Variants in HCN1 observed in about 807,000 individuals in gnomAD.
HCN1 encodes potassium/sodium hyperpolarization-activated cyclic nucleotide-gated channel 1.
In HCN1, 13 loss-of-function variants were observed where a neutral mutation model predicts 78.9. That is an observed-to-expected ratio of 0.16 (90% CI 0.11 to 0.26). HCN1 has a LOEUF of 0.26. HCN1 is among the 10% of genes least tolerant of loss of function. HCN1 has a pLI of 1.00. For synonymous variants in HCN1, 552 were observed against 455.5 expected (o/e 1.21, Z -2.70); for missense variants, 810 against 1,154.3 (o/e 0.70, Z 4.32).
chr5:45,457,212 T>G (rs376799067), intron 3 of HCN1, among the ~76,000 whole-genome samples: 1 of 152,106 alleles, frequency 6.6e-6, no homozygotes, highest in African/African-American at 2.4e-5. Context: ...ACATCCGATA[T>G]TTGAGATTCA....
chr5:45,341,864 C>T (rs1258434861), intron 5 of HCN1, among the ~76,000 whole-genome samples: 2 of 152,210 alleles, frequency 1.3e-5, no homozygotes, highest in Non-Finnish European at 1.5e-5. Context: ...CACTACAACA[C>T]TCCCACTCAC....
chr5:45,315,857 A>C (rs1561102449), intron 5 of HCN1, among the ~76,000 whole-genome samples: 1 of 152,196 alleles, frequency 6.6e-6, no homozygotes, highest in African/African-American at 2.4e-5. Flanking sequence ...TCCCAAGAAT[A>C]AACCAGGAGG....
intron 5 of HCN1, among the ~76,000 whole-genome samples, chr5:45,317,691 C>A (rs1287655954): frequency 1.3e-5 from 2 of 152,112 alleles, no homozygotes; most frequent in East Asian, 3.9e-4. Context: ...TATCCAGAAT[C>A]TACAAAGAGC....
intron 2 of HCN1, among the ~76,000 whole-genome samples, chr5:45,565,822 T>C (rs559664023): frequency 2.0e-5 from 3 of 151,936 alleles, no homozygotes; most frequent in Admixed American, 6.6e-5. Context: ...ACAACAACAA[T>C]AATAATAATA....
intron 2 of HCN1, among the ~76,000 whole-genome samples, chr5:45,578,016 T>G (rs1212927845): frequency 6.6e-6 from 1 of 152,060 alleles, no homozygotes; most frequent in African/African-American, 2.4e-5. Flanking sequence ...TGATGAGACT[T>G]ACAAACCTAG....
chr5:45,613,057 GGTTA>G (rs1415567823), intron 2 of HCN1, among the ~76,000 whole-genome samples: 6 of 151,742 alleles, frequency 4.0e-5, no homozygotes, highest in Non-Finnish European at 7.4e-5. Flanking sequence ...ACATTGTGCA[GGTTA>G]GTTACATATG....
intron 2 of HCN1, 27 bp from the exon 3 acceptor site, chr5:45,462,034 C>T: frequency 6.3e-7 from 1 of 1,594,018 alleles, no homozygotes; most frequent in Non-Finnish European, 8.6e-7. Flanking sequence ...AAAATCAATT[C>T]TTATAATCAA....
intron 6 of HCN1, among the ~76,000 whole-genome samples, chr5:45,290,340 C>A (rs190464599): frequency 3.9e-5 from 6 of 152,032 alleles, no homozygotes; most frequent in Admixed American, 6.6e-5. Context: ...CAGGGTTCCA[C>A]CCTCATGACC....
intron 3 of HCN1, 134 bp from the exon 4 acceptor site, chr5:45,396,844 G>A (rs984447965): frequency 1.4e-6 from 1 of 731,138 alleles, no homozygotes; most frequent in Non-Finnish European, 2.5e-6. Flanking sequence ...ATTTACAAAT[G>A]TACTTCTCAC....
At chr5:45,691,679 A>G (rs1739915659) in intron 1 of HCN1, among the ~76,000 whole-genome samples, 1 of 152,196 alleles carries the variant, frequency 6.6e-6, no homozygotes, top group African/African-American at 2.4e-5. Flanking sequence ...AAGATAACAT[A>G]ACAGTAGGCT....
At position 45,527,337 on chromosome 5, in the gene HCN1, T is replaced by C; in HGVS notation, c.850-65330A>G. ...GTGACATGGCCAGTAATGGTGGAGA[T>C]AGGATCTAAACAGAAGCTTATACCA... On this transcript the variant is annotated intron_variant, in intron 2 of 7. Transcript: ENST00000303230. Among the ~76,000 whole-genome samples the C allele has an allele frequency of 1.8e-5, 2 of 108,308 alleles. 1 individual carries two copies. Among genetic ancestry groups the C allele is most frequent in the Non-Finnish European group, 3.9e-5 (2 of 51,144 alleles). 71.1% of individuals were successfully genotyped at this position (108,308 alleles called of 152,430 possible).
intron 2 of HCN1, among the ~76,000 whole-genome samples, chr5:45,503,048 A>C (rs376086435): frequency 4.6e-5 from 7 of 152,362 alleles, no homozygotes; most frequent in South Asian, 2.1e-4. Flanking sequence ...TCATGCATTT[A>C]TCTCTCCTTT....
intron 1 of HCN1, among the ~76,000 whole-genome samples, chr5:45,674,308 AG>A (rs1332260443): frequency 6.6e-6 from 1 of 151,554 alleles, no homozygotes; most frequent in Non-Finnish European, 1.5e-5. Context: ...CTATATTTTA[AG>A]TGCCACAGAA....
chr5:45,368,416 A>G (rs1747278843), intron 4 of HCN1, among the ~76,000 whole-genome samples: 1 of 152,048 alleles, frequency 6.6e-6, no homozygotes. Context: ...TGAGTTATAT[A>G]CATTTAAATA....
intron 2 of HCN1, among the ~76,000 whole-genome samples, chr5:45,539,478 C>T (rs987814000): frequency 1.0e-4 from 15 of 150,688 alleles, no homozygotes; most frequent in Admixed American, 4.6e-4. Context: ...TTGGCTAACA[C>T]GGTGAAACCC....
At chr5:45,450,458 T>A (rs1290990824) in intron 3 of HCN1, among the ~76,000 whole-genome samples, 3 of 152,232 alleles carry the variant, frequency 2.0e-5, no homozygotes, top group Non-Finnish European at 4.4e-5. Flanking sequence ...TCTTTCCTAA[T>A]TCATAATTTA....
chr5:45,455,386 T>G (rs1741009570), intron 3 of HCN1, among the ~76,000 whole-genome samples: 1 of 152,168 alleles, frequency 6.6e-6, no homozygotes, highest in African/African-American at 2.4e-5. Flanking sequence ...TTGTCAAGTT[T>G]TATATAGTTT....
chr5:45,431,864 A>AC (rs1478469055), intron 3 of HCN1, among the ~76,000 whole-genome samples: 2 of 152,086 alleles, frequency 1.3e-5, no homozygotes, highest in Non-Finnish European at 2.9e-5. Context: ...AGGTCGGATA[A>AC]CATGATGCCT....
At chr5:45,554,360 C>A (rs977685662) in intron 2 of HCN1, among the ~76,000 whole-genome samples, 16 of 151,512 alleles carry the variant, frequency 1.1e-4, no homozygotes, top group African/African-American at 3.4e-4. Context: ...TTTTCATGAC[C>A]CTGATAAAAT....
Sources: allele counts gnomAD v4.1 joint callset (sites outside exome capture counted in the v4.1 genomes callset), GRCh38; gene constraint gnomAD v4.1.1; transcripts MANE v1.5; gene names NCBI Gene and HGNC (gene_info 2026-07-23, HGNC 2026-07-21).